KCNMA1: variants seen among roughly 807,000 people sequenced by gnomAD.
KCNMA1 encodes Calcium-activated potassium channel subunit alpha-1.
Under a neutral mutation model 140.0 loss-of-function variants are expected in KCNMA1, and 29 were observed. That is an observed-to-expected ratio of 0.21 (90% CI 0.15 to 0.28). KCNMA1 has a LOEUF of 0.28. Ranked by LOEUF, KCNMA1 falls within the 10% of genes least tolerant of loss-of-function variation. The pLI is 1.00. For synonymous variants in KCNMA1, 612 were observed against 611.9 expected (o/e 1.00, Z 0.00); for missense variants, 880 against 1,602.2 (o/e 0.55, Z 7.70).
chr10:77,461,389 G>T (rs1176701184), intron 1 of KCNMA1, among the ~76,000 whole-genome samples: 1 of 152,096 alleles, frequency 6.6e-6, no homozygotes, highest in Admixed American at 6.6e-5. Context: ...CCTGTTAAAT[G>T]ATGAGATGAT....
intron 2 of KCNMA1, among the ~76,000 whole-genome samples, chr10:77,403,250 G>C (rs35807): frequency 0.51 from 76,947 of 151,886 alleles, 19,955 homozygotes; most frequent in Non-Finnish European, 0.58. Flanking sequence ...TTGCAGGTGG[G>C]CTTAGGAGAC....
At chr10:77,316,308 G>A (rs539067178) in intron 2 of KCNMA1, among the ~76,000 whole-genome samples, 2 of 152,256 alleles carry the variant, frequency 1.3e-5, no homozygotes, top group East Asian at 3.9e-4. Context: ...GTTAAAAGAG[G>A]CCACCTGAAA....
intron 2 of KCNMA1, among the ~76,000 whole-genome samples, chr10:77,263,819 T>C (rs2062670356): frequency 6.6e-6 from 1 of 152,122 alleles, no homozygotes; most frequent in African/African-American, 2.4e-5. Context: ...CAGAATCGAA[T>C]CTGACCATAA....
chr10:77,051,292 G>C (rs918686890), intron 14 of KCNMA1, among the ~76,000 whole-genome samples: 1 of 152,122 alleles, frequency 6.6e-6, no homozygotes, highest in Non-Finnish European at 1.5e-5. Flanking sequence ...TCATTTCAGA[G>C]CAAAGGGTTC....
At chr10:77,194,713 G>A (rs2039855518) in intron 3 of KCNMA1, among the ~76,000 whole-genome samples, 1 of 151,938 alleles carries the variant, frequency 6.6e-6, no homozygotes, top group Non-Finnish European at 1.5e-5. Context: ...GTACCTCTTG[G>A]CACATCTGCA....
rs563967757 is a variant in KCNMA1 at position 76,887,327 on chromosome 10, T to C, written c.3650A>G (p.Asn1217Ser). 2.5e-5 allele frequency: 40 copies of C among 1,614,104 alleles called. 1 individual carries two copies. In the East Asian group the frequency reaches 8.5e-4, roughly 34 times the overall value. Reference protein sequence around the residue: ...HSIPSTANRQNRPKSRESRDK... With the variant: ...HSIPSTANRQSRPKSRESRDK... ...CCGGGACTCCCTGGACTTGGGCCGGTTCTGTCGGTTTGCTGTGGATGGGAT... is the reference window on the plus strand; with the variant it reads ...CCGGGACTCCCTGGACTTGGGCCGGCTCTGTCGGTTTGCTGTGGATGGGAT... The change falls in exon 28 of 28, where the codon AAC becomes AGC. Residue 1217 changes from asparagine to serine, a missense_variant. Asn to Ser is a conservative substitution (Grantham distance 46, BLOSUM62 1). Coordinates refer to ENST00000286628, the MANE Select transcript of KCNMA1 (RefSeq NM_001161352.2).
At chr10:77,382,846 CAA>C (rs2095438303) in intron 2 of KCNMA1, among the ~76,000 whole-genome samples, 1 of 77,394 alleles carries the variant, frequency 1.3e-5, no homozygotes, top group South Asian at 5.0e-4. Context: ...GCCTGGGAGA[CAA>C]GAGCAAAGCT....
At position 77,121,185 on chromosome 10, in the gene KCNMA1, A is replaced by G. The variant is rs7907270; in HGVS notation, c.809-137T>C. On this transcript the variant is annotated intron_variant, in intron 5 of 27. Transcript: ENST00000286628. ...CAGAAGATAAACCAGCTGGTACCTCAGACATATTCCTTCATTCTGATTCTT... is the reference window on the plus strand; with the variant it reads ...CAGAAGATAAACCAGCTGGTACCTCGGACATATTCCTTCATTCTGATTCTT... 246,987 of 686,138 alleles carry G rather than the reference A, an allele frequency of 0.36. 48,316 individuals are homozygous for G. The highest frequency in any genetic ancestry group is 0.44 in the Middle Eastern group (1,844 of 4,160). The allele number at this position is 686,138 out of a possible 1,614,324, so 42.5% of individuals were successfully genotyped here.
intron 5 of KCNMA1, among the ~76,000 whole-genome samples, chr10:77,135,106 G>C (rs2097975892): frequency 6.7e-6 from 1 of 150,056 alleles, no homozygotes; most frequent in South Asian, 2.1e-4. Context: ...ATCTGATAAG[G>C]GCTTAATATT....
intron 5 of KCNMA1, among the ~76,000 whole-genome samples, chr10:77,148,018 G>A (rs1431725334): frequency 2.6e-5 from 4 of 152,020 alleles, no homozygotes; most frequent in Admixed American, 1.3e-4. Context: ...GGCACAACAT[G>A]TAAGGAGGTG....
chr10:76,991,679 C>T (rs2082810469), intron 19 of KCNMA1, among the ~76,000 whole-genome samples: 2 of 152,112 alleles, frequency 1.3e-5, no homozygotes, highest in Admixed American at 1.3e-4. Flanking sequence ...TCCTTCAGGC[C>T]ATTTCCTATT....
chr10:77,120,893 T>C (rs2097579080), intron 6 of KCNMA1, 80 bp downstream of exon 6: 1 of 786,660 alleles, frequency 1.3e-6, no homozygotes, highest in African/African-American at 1.7e-5. Context: ...AATGTCATTG[T>C]GATGAAAGCA....
intron 23 of KCNMA1, among the ~76,000 whole-genome samples, chr10:76,942,540 T>C (rs1225197285): frequency 6.6e-6 from 1 of 152,228 alleles, no homozygotes; most frequent in Non-Finnish European, 1.5e-5. Flanking sequence ...TTCTTGCTTA[T>C]CCTGTGCTAT....
rs2094310937 is a variant in KCNMA1 at position 77,036,095 on chromosome 10, T to A, written c.1859+3433A>T. Reference sequence around the variant, plus strand: ...CAGAAGAAAGTGGAAGGACTAGACTTGTGAAGTCTTCCAGCCTTCATCTTT... The same window carrying A: ...CAGAAGAAAGTGGAAGGACTAGACTAGTGAAGTCTTCCAGCCTTCATCTTT... On this transcript the variant is annotated intron_variant, in intron 15 of 27. Transcript: ENST00000286628. Among the ~76,000 whole-genome samples, 4 of 152,328 alleles carry A rather than the reference T, an allele frequency of 2.6e-5. No homozygotes were observed. The South Asian group carries it at 8.3e-4, about 32-fold the overall frequency.
chr10:77,534,070 G>T lies in KCNMA1; in HGVS notation c.378+103195C>A, dbSNP rs181615214. 3.3e-5 allele frequency among the ~76,000 whole-genome samples: 5 copies of T among 152,256 alleles called. No individual in the cohort carries two copies. The East Asian group carries it at 5.8e-4, about 18-fold the overall frequency. ...AGGCAGCCAGGTAACTCCAGGCCAG[G>T]CTTCCCCCTCAGGGCGTTACCAGGC... On this transcript the variant is annotated intron_variant, in intron 1 of 27. Transcript: ENST00000286628.
At position 77,637,591 on chromosome 10, in the gene KCNMA1, C is replaced by G; in HGVS notation, c.52G>C (p.Gly18Arg). ...CTCATTCTAAGACTGCTGCCTCCGCCGCCGCCGCCGCCGCCGCTGCTGCCG... is the reference window on the plus strand; with the variant it reads ...CTCATTCTAAGACTGCTGCCTCCGCGGCCGCCGCCGCCGCCGCTGCTGCCG... ...GGGSSGGGGGGGGSSLRMSSN... is the reference protein window; with the variant it reads ...GGGSSGGGGGRGGSSLRMSSN... Residue 18 changes from glycine to arginine, a missense_variant, in exon 1 of 28, where the codon GGC (glycine) becomes CGC (arginine). Transcript: ENST00000286628. The G allele has an allele frequency of 6.6e-7, 1 of 1,524,964 alleles. No individual in the cohort carries two copies. Among genetic ancestry groups the G allele is most frequent in the Non-Finnish European group, 8.8e-7 (1 of 1,139,916 alleles). 94.5% of individuals were successfully genotyped at this position (1,524,964 alleles called of 1,614,324 possible).
intron 1 of KCNMA1, among the ~76,000 whole-genome samples, chr10:77,579,017 T>C (rs569582546): frequency 5.3e-5 from 8 of 152,320 alleles, no homozygotes; most frequent in East Asian, 1.9e-4. Flanking sequence ...CCCGGAGTCG[T>C]TGGGCTTCTG....
At chr10:77,010,186 A>G (rs1183647570) in intron 18 of KCNMA1, among the ~76,000 whole-genome samples, 1 of 152,044 alleles carries the variant, frequency 6.6e-6, no homozygotes, top group East Asian at 1.9e-4. Flanking sequence ...GCGTTTCTTT[A>G]CAGAAGTGTT....
rs528338951 is a variant in KCNMA1 at position 77,293,471 on chromosome 10, C to T, written c.541-42215G>A. Among the ~76,000 whole-genome samples the T allele has an allele frequency of 2.1e-4, 32 of 152,292 alleles. No individual in the cohort carries two copies. In the South Asian group the frequency reaches 6.6e-3, roughly 32 times the overall value. The stretch of plus-strand genomic sequence containing the variant: ...TACAGAAGAGGTAACCATTCATGTG[C>T]ATGACAGCCCTGACTCTAAGGGGCA... On this transcript the variant is annotated intron_variant, in intron 2 of 27. Transcript: ENST00000286628.
Sources: gnomAD v4.1 joint callset for allele counts (sites outside exome capture counted in the v4.1 genomes callset) on GRCh38, gnomAD v4.1.1 for gene constraint, MANE v1.5 for transcripts, NCBI Gene and HGNC (gene_info 2026-07-23, HGNC 2026-07-21) for gene names.